The following EMC2 variants were observed in gnomAD, a reference collection of about 807,000 sequenced individuals.
EMC2 encodes the protein TPR repeat protein 35.
Under a neutral mutation model 51.6 loss-of-function variants are expected in EMC2, and 37 were observed. The observed-to-expected ratio is 0.72, with a 90% confidence interval of 0.55 to 0.94. The LOEUF is 0.94. Ranked by LOEUF, EMC2 falls within the 40% of genes least tolerant of loss-of-function variation. The probability of loss-of-function intolerance (pLI) is 0.00; values close to 1 mark genes in which losing one functional copy is unlikely to be tolerated. For synonymous variants in EMC2, 131 were observed against 112.4 expected, an observed-to-expected ratio of 1.17 and a Z score of -1.04; for missense variants, 359 against 350.9, an observed-to-expected ratio of 1.02 and a Z score of -0.18.
At chr8:108,465,960 A>G (rs1490051392) in intron 5 of EMC2, among the ~76,000 whole-genome samples, 4 of 152,346 alleles carry the variant, frequency 2.6e-5, no homozygotes, top group Non-Finnish European at 1.5e-5. Context: ...AAAGGGAGTG[A>G]TAGAATTGAA....
chr8:108,479,899 A>G (rs1317318301), intron 10 of EMC2, among the ~76,000 whole-genome samples: 2 of 152,078 alleles, frequency 1.3e-5, no homozygotes, highest in South Asian at 2.1e-4. Context: ...ATGCCCAGCT[A>G]TTTCATTCTG....
chr8:108,481,601 CAT>C (rs1460919889), intron 10 of EMC2, among the ~76,000 whole-genome samples: 1 of 151,974 alleles, frequency 6.6e-6, no homozygotes, highest in Non-Finnish European at 1.5e-5. Context: ...AAATTAATAA[CAT>C]AGAAATAAGA....
At chr8:108,458,988 G>C (rs745414244) in intron 5 of EMC2, among the ~76,000 whole-genome samples, 2 of 152,118 alleles carry the variant, frequency 1.3e-5, no homozygotes, top group Non-Finnish European at 2.9e-5. Flanking sequence ...TCTTCTACCA[G>C]ATACCCTAAA....
intron 10 of EMC2, among the ~76,000 whole-genome samples, chr8:108,486,292 C>G (rs1343877609): frequency 6.6e-6 from 1 of 151,806 alleles, no homozygotes; most frequent in East Asian, 1.9e-4. Context: ...GCCAAGTGTG[C>G]AGTGAACTCT....
rs1306886746 is a variant in EMC2 at position 108,456,329 on chromosome 8, T to C, written c.363+399T>C. On this transcript the variant is annotated intron_variant, in intron 5 of 10. Coordinates refer to ENST00000220853, the MANE Select transcript of EMC2 (RefSeq NM_014673.5). ...GCCTGGGCGACAGAGCAAGACTTCG[T>C]GTCAAAAAAAAAAAAAAAGAAAAAA... 6.5e-5 allele frequency among the ~76,000 whole-genome samples: 7 copies of C among 108,186 alleles called. No homozygotes were observed. The East Asian group carries it at 1.6e-3, about 25-fold the overall frequency. The allele number at this position is 108,186 out of a possible 152,430, so 71.0% of individuals were successfully genotyped here. A position where few individuals can be genotyped will look rare whatever the true frequency, so the allele number is the denominator to read the frequency against.
chr8:108,470,288 A>G (rs1810829341), intron 7 of EMC2, among the ~76,000 whole-genome samples, 167 bp downstream of exon 7: 1 of 152,176 alleles, frequency 6.6e-6, no homozygotes, highest in Non-Finnish European at 1.5e-5. Flanking sequence ...TCAGTAATTC[A>G]CTGGTCATAA....
At chr8:108,466,769 TA>T (rs1161296539) in intron 5 of EMC2, among the ~76,000 whole-genome samples, 1 of 152,108 alleles carries the variant, frequency 6.6e-6, no homozygotes, top group East Asian at 1.9e-4. Context: ...TGGTCTTTTT[TA>T]CAAGCCTTTT....
intron 1 of EMC2, among the ~76,000 whole-genome samples, chr8:108,447,276 T>C (rs1463130420): frequency 1.3e-5 from 2 of 151,434 alleles, no homozygotes; most frequent in Admixed American, 6.6e-5. Context: ...ATTAATGGAT[T>C]GTAATACACA....
At chr8:108,460,289 G>A (rs147808154) in intron 5 of EMC2, among the ~76,000 whole-genome samples, 1 of 152,320 alleles carries the variant, frequency 6.6e-6, no homozygotes, top group East Asian at 1.9e-4. Context: ...AAGATAATAT[G>A]TGATTAATTA....
In EMC2 at chr8:108,487,520, G is replaced by A. The variant is rs1811164653; in HGVS notation, c.*922G>A. Among the ~76,000 whole-genome samples, 1 of 151,828 alleles carries A rather than the reference G, an allele frequency of 6.6e-6. No individual in the cohort carries two copies. Among genetic ancestry groups the A allele is most frequent in the Non-Finnish European group, 1.5e-5 (1 of 67,954 alleles). ...TGCTACCTTCAACAGTATTTGACAT[G>A]TTTCAACAAAATAGAAGAGACTTGA... On this transcript the variant is annotated 3_prime_UTR_variant, in exon 11 of 11. Coordinates refer to ENST00000220853, the MANE Select transcript of EMC2 (RefSeq NM_014673.5).
chr8:108,466,176 G>A (rs191675546), intron 5 of EMC2, among the ~76,000 whole-genome samples: 2 of 152,230 alleles, frequency 1.3e-5, no homozygotes, highest in Admixed American at 1.3e-4. Flanking sequence ...AGAAATTCTG[G>A]ATAGGTACTT....
In EMC2 at chr8:108,449,897, GAATT is replaced by G. The variant is rs755723782; in HGVS notation, c.123_126del (p.Ile41MetfsTer18). The G allele has an allele frequency of 8.2e-6, 13 of 1,590,428 alleles. No individual in the cohort carries two copies. Among genetic ancestry groups the G allele is most frequent in the Non-Finnish European group, 1.0e-5 (12 of 1,160,068 alleles). ...TGAGCAAATTGTGGAAGTTGGAGAA[GAATT>G]AATTAATGAATATGCTTCTAAGCTG... On this transcript the variant is annotated frameshift_variant, in exon 2 of 11. Coordinates refer to ENST00000220853, the MANE Select transcript of EMC2 (RefSeq NM_014673.5). LOFTEE classifies it high-confidence loss of function.
intron 7 of EMC2, among the ~76,000 whole-genome samples, chr8:108,471,980 GT>G (rs1178821755): frequency 6.6e-6 from 1 of 151,842 alleles, no homozygotes; most frequent in East Asian, 1.9e-4. Flanking sequence ...GGTGAAATTG[GT>G]TCTACCTTTT....
At chr8:108,484,696 G>T (rs932002226) in intron 10 of EMC2, among the ~76,000 whole-genome samples, 4 of 151,740 alleles carry the variant, frequency 2.6e-5, no homozygotes, top group African/African-American at 9.7e-5. Flanking sequence ...CTTTTTCTCA[G>T]AATTAGACCT....
At chr8:108,479,908 T>G (rs1811017070) in intron 10 of EMC2, among the ~76,000 whole-genome samples, 1 of 152,178 alleles carries the variant, frequency 6.6e-6, no homozygotes, top group South Asian at 2.1e-4. Flanking sequence ...TATTTCATTC[T>G]GTTTCAGAAT....
rs777781155 is a variant in EMC2, at chr8:108,453,114, G to A, written c.272G>A (p.Arg91Gln). Residue 91 changes from arginine to glutamine, a missense_variant, in exon 4 of 11, where the codon CGA (arginine) becomes CAA (glutamine). Coordinates refer to ENST00000220853, the MANE Select transcript of EMC2 (RefSeq NM_014673.5). Reference sequence around the variant, plus strand: ...TTCCCTGGCAGTCACAGAGTCAAGCGATTAACAGGCATGAGATTTGAAGCC... The same window carrying A: ...TTCCCTGGCAGTCACAGAGTCAAGCAATTAACAGGCATGAGATTTGAAGCC... ...RQFPGSHRVKRLTGMRFEAME... is the reference protein window; with the variant it reads ...RQFPGSHRVKQLTGMRFEAME... 1.7e-5 allele frequency: 27 copies of A among 1,608,020 alleles called. No individual in the cohort carries two copies. Among genetic ancestry groups the A allele is most frequent in the Middle Eastern group, 3.3e-4 (2 of 6,048 alleles).
intron 1 of EMC2, among the ~76,000 whole-genome samples, chr8:108,447,036 A>G (rs1818893429): frequency 6.6e-6 from 1 of 152,126 alleles, no homozygotes; most frequent in Admixed American, 6.6e-5. Flanking sequence ...TCTCTTTCCT[A>G]TGAGTGTTTT....
At position 108,486,890 on chromosome 8, in the gene EMC2, A is replaced by G. The variant is rs1811152738; in HGVS notation, c.*292A>G. 9.4e-6 allele frequency: 2 copies of G among 213,754 alleles called. No individual in the cohort carries two copies. The highest frequency in any genetic ancestry group is 9.1e-6 in the Non-Finnish European group (1 of 109,730). 13.2% of individuals were successfully genotyped at this position (213,754 alleles called of 1,614,324 possible). ...CTCTAATGTAGTATAACCTTGTTAA[A>G]TAAACCATGATGATTTATTAAACTT... On this transcript the variant is annotated 3_prime_UTR_variant, in exon 11 of 11. Coordinates refer to ENST00000220853, the MANE Select transcript of EMC2 (RefSeq NM_014673.5).
intron 3 of EMC2, among the ~76,000 whole-genome samples, chr8:108,452,227 T>C (rs1428208468): frequency 1.3e-5 from 2 of 152,204 alleles, no homozygotes. Flanking sequence ...TCCATCCGTT[T>C]AATGTCTGTA....
Sources: allele counts gnomAD v4.1 joint callset (sites outside exome capture counted in the v4.1 genomes callset), GRCh38; gene constraint gnomAD v4.1.1; transcripts MANE v1.5; gene names NCBI Gene and HGNC (gene_info 2026-07-23, HGNC 2026-07-21).